The following NME8 variants were observed in gnomAD, a reference collection of about 807,000 sequenced individuals.
NME8 encodes the protein NME/NM23 family member 8, also known as protein NME8.
A neutral mutation model predicts 82.3 loss-of-function variants in NME8; 72 were observed. That is an observed-to-expected ratio of 0.87 (90% CI 0.72 to 1.06). The LOEUF is 1.06. NME8 is among the 50% of genes least tolerant of loss of function. The pLI, the probability that NME8 is intolerant of heterozygous loss-of-function variation, is 0.00. For synonymous variants in NME8, 267 were observed against 228.5 expected (o/e 1.17, Z -1.52); for missense variants, 712 against 685.4 (o/e 1.04, Z -0.43).
Position 37,877,021 on chromosome 7 carries a change from C to T in NME8, c.994+14C>T, listed in dbSNP as rs548469896. ...ATGAAAGGAAAGGTAGGGAATCAAGCATAAATTGTTTAAGTATTTTATATA... is the reference window on the plus strand; with the variant it reads ...ATGAAAGGAAAGGTAGGGAATCAAGTATAAATTGTTTAAGTATTTTATATA... On this transcript the variant is annotated intron_variant, in intron 12 of 17. Coordinates refer to ENST00000199447, the MANE Select transcript of NME8 (RefSeq NM_016616.5). 52 of 1,601,394 alleles carry T rather than the reference C, an allele frequency of 3.2e-5. 1 individual carries two copies. The South Asian group carries it at 5.0e-4, about 15-fold the overall frequency.
rs1784425740 is a variant in NME8, at chr7:37,850,645, A to G, written c.108A>G (p.Gln36=). 8 of 1,611,346 alleles carry G rather than the reference A, an allele frequency of 5.0e-6. No homozygotes were observed. Among genetic ancestry groups the G allele is most frequent in the Non-Finnish European group, 6.8e-6 (8 of 1,177,562 alleles). Residue 36 remains glutamine (Q), a synonymous_variant, in exon 5 of 18, where the codon CAA becomes CAG. Coordinates refer to ENST00000199447, the MANE Select transcript of NME8 (RefSeq NM_016616.5). ...ATCTTCTAGTGATTGATGTTTACCAAGCCTGGTGTGGACCTTGCAGAGCAA... is the reference window on the plus strand; with the variant it reads ...ATCTTCTAGTGATTGATGTTTACCAGGCCTGGTGTGGACCTTGCAGAGCAA... The part of the protein sequence containing the change: ...NKGLTVIDVY[Q]AWCGPCRAMQ...
chr7:37,880,267 A>G (rs573707252), intron 12 of NME8, among the ~76,000 whole-genome samples: 5 of 152,334 alleles, frequency 3.3e-5, no homozygotes, highest in South Asian at 2.1e-4. Context: ...CTAAAAACTC[A>G]TTGCTAACCA....
chr7:37,872,731 A>G (rs1320613723), intron 11 of NME8, among the ~76,000 whole-genome samples: 1 of 119,560 alleles, frequency 8.4e-6, no homozygotes, highest in African/African-American at 2.7e-5. Flanking sequence ...GAGGGGATCA[A>G]TTGCTAATGA....
chr7:37,893,851 G>T (rs1029850503), intron 15 of NME8, among the ~76,000 whole-genome samples: 1 of 152,100 alleles, frequency 6.6e-6, no homozygotes, highest in Non-Finnish European at 1.5e-5. Context: ...TCCAGCAGGA[G>T]AGGTCCAGCC....
chr7:37,872,725 G>A (rs1274665191), intron 11 of NME8, among the ~76,000 whole-genome samples: 1 of 141,184 alleles, frequency 7.1e-6, no homozygotes, highest in Non-Finnish European at 1.6e-5. Context: ...TATGCTGAGG[G>A]GATCAATTGC....
chr7:37,850,447 C>T lies in NME8; in HGVS notation c.91+12C>T. 6.2e-7 allele frequency: 1 copy of T among 1,613,864 alleles called. No homozygotes were observed. ...CAAAGGCTTAACAGGTATAAGGACT[C>T]CCCGGCTGTCTGGCCACCTGGGGTT... On this transcript the variant is annotated intron_variant, in intron 4 of 17. Transcript: ENST00000199447.
chr7:37,895,339 G>A (rs62444778), intron 16 of NME8, among the ~76,000 whole-genome samples: 2,812 of 152,198 alleles, frequency 0.018, 50 homozygotes, highest in East Asian at 0.059. Flanking sequence ...TCCAGGCCTT[G>A]TGATGAGCTG....
intron 17 of NME8, among the ~76,000 whole-genome samples, chr7:37,898,052 T>C (rs1179066824): frequency 6.6e-6 from 1 of 152,202 alleles, no homozygotes; most frequent in African/African-American, 2.4e-5. Context: ...TATCTCTGGT[T>C]CTAGATCCTT....
rs774793704 is a variant in NME8 at position 37,894,576 on chromosome 7, G to A, written c.1510G>A (p.Asp504Asn). The A allele has an allele frequency of 6.3e-7, 1 of 1,599,436 alleles. No individual in the cohort carries two copies. Among genetic ancestry groups the A allele is most frequent in the Admixed American group, 1.7e-5 (1 of 59,818 alleles). ...EKIYPKVTGK[D>N]FYKDLLEMLS... ...AATTTATCCAAAAGTAACAGGAAAA[G>A]ACTTTTATAAAGATTTATTGGAAAT... is the stretch of plus-strand genomic sequence containing the variant. Residue 504 changes from aspartate (D) to asparagine (N), a missense_variant, in exon 16 of 18, where the codon GAC becomes AAC. Transcript: ENST00000199447.
At chr7:37,849,368 A>G (rs1414760872) in intron 2 of NME8, among the ~76,000 whole-genome samples, 1 of 152,204 alleles carries the variant, frequency 6.6e-6, no homozygotes, top group Non-Finnish European at 1.5e-5. Flanking sequence ...TCAGGAAAAC[A>G]AAACCTTTAA....
At chr7:37,853,816 A>G in intron 5 of NME8, among the ~76,000 whole-genome samples, 1 of 152,040 alleles carries the variant, frequency 6.6e-6, no homozygotes, top group African/African-American at 2.4e-5. Flanking sequence ...TGGTCAGTAT[A>G]CAATTTTTTT....
chr7:37,877,844 T>G (rs759338486), intron 12 of NME8, among the ~76,000 whole-genome samples: 17 of 152,210 alleles, frequency 1.1e-4, no homozygotes, highest in Non-Finnish European at 2.4e-4. Context: ...AAAATGTCTC[T>G]GGAGGTTGCC....
chr7:37,896,026 TAC>T (rs1000572955), intron 16 of NME8, among the ~76,000 whole-genome samples: 1 of 152,036 alleles, frequency 6.6e-6, no homozygotes, highest in Non-Finnish European at 1.5e-5. Flanking sequence ...TGACTGTACA[TAC>T]ACACACACAT....
intron 13 of NME8, 114 bp from the exon 14 acceptor site, chr7:37,885,031 T>C (rs1370775867): frequency 1.4e-6 from 1 of 719,086 alleles, no homozygotes. Context: ...AAAAGATTAT[T>C]TTACATGTTA....
intron 14 of NME8, among the ~76,000 whole-genome samples, chr7:37,886,944 G>A (rs948272072): frequency 6.6e-6 from 1 of 152,076 alleles, no homozygotes; most frequent in Non-Finnish European, 1.5e-5. Flanking sequence ...TGGAAGCTGG[G>A]GACAGAAAAC....
In NME8 at chr7:37,876,981, G is replaced by T. The variant is rs1404108442; in HGVS notation, c.968G>T (p.Arg323Leu). The T allele has an allele frequency of 5.0e-6, 8 of 1,612,928 alleles. No individual in the cohort carries two copies. The South Asian group carries it at 8.8e-5, about 18-fold the overall frequency. ...MKLEKTLALL[R>L]PNLFHERKDD... Reference sequence around the variant, plus strand: ...TTAGAAAAGACATTGGCATTACTTCGACCAAATCTCTTTCATGAAAGGAAA... The same window carrying T: ...TTAGAAAAGACATTGGCATTACTTCTACCAAATCTCTTTCATGAAAGGAAA... The change falls in exon 12 of 18, where the codon CGA becomes CTA. Residue 323 changes from arginine (R) to leucine (L), a missense_variant. Coordinates refer to ENST00000199447, the MANE Select transcript of NME8 (RefSeq NM_016616.5).
intron 8 of NME8, 49 bp from the exon 9 acceptor site, chr7:37,864,299 C>T: frequency 6.4e-7 from 1 of 1,555,982 alleles, no homozygotes; most frequent in South Asian, 1.1e-5. Flanking sequence ...ATTATCCAGA[C>T]TTCGTGCCAA....
chr7:37,869,168 G>T (rs1185983753), intron 11 of NME8, among the ~76,000 whole-genome samples: 1 of 152,134 alleles, frequency 6.6e-6, no homozygotes, highest in African/African-American at 2.4e-5. Context: ...GCCTACCTCT[G>T]TTGGCTCCTA....
chr7:37,894,546 G>C lies in NME8; in HGVS notation c.1480G>C (p.Glu494Gln), dbSNP rs1260107947. 6.2e-7 allele frequency: 1 copy of C among 1,609,736 alleles called. No individual in the cohort carries two copies. Among genetic ancestry groups the C allele is most frequent in the Non-Finnish European group, 8.5e-7 (1 of 1,176,370 alleles). ...KKMFLTPEQI[E>Q]KIYPKVTGKD... ...AATGTTCCTAACTCCTGAGCAAATA[G>C]AGAAAATTTATCCAAAAGTAACAGG... The change falls in exon 16 of 18, where the codon GAG becomes CAG. Residue 494 changes from glutamate (E) to glutamine (Q), a missense_variant. Coordinates refer to ENST00000199447, the MANE Select transcript of NME8 (RefSeq NM_016616.5).
Sources: gnomAD v4.1 joint callset for allele counts (sites outside exome capture counted in the v4.1 genomes callset) on GRCh38, gnomAD v4.1.1 for gene constraint, MANE v1.5 for transcripts, NCBI Gene and HGNC (gene_info 2026-07-23, HGNC 2026-07-21) for gene names.